MSL2: variants seen among roughly 807,000 people sequenced by gnomAD.
MSL2 encodes the protein E3 ubiquitin-protein ligase MSL2.
In MSL2, 2 loss-of-function variants were observed where a neutral mutation model predicts 35.8. That is an observed-to-expected ratio of 0.06 (90% CI 0.02 to 0.18). The LOEUF is 0.18. Ranked by LOEUF, MSL2 falls within the 10% of genes least tolerant of loss-of-function variation. The probability of loss-of-function intolerance (pLI) is 1.00; values close to 1 mark genes in which losing one functional copy is unlikely to be tolerated. For synonymous variants in MSL2, 296 were observed against 255.7 expected (o/e 1.16, Z -1.50); for missense variants, 523 against 706.7 (o/e 0.74, Z 2.95).
chr3:136,195,052 T>G lies in MSL2; in HGVS notation c.62A>C (p.Asp21Ala), dbSNP rs990667550. The G allele has an allele frequency of 6.2e-7, 1 of 1,613,732 alleles. No homozygotes were observed. The highest frequency in any genetic ancestry group is 8.5e-7 in the Non-Finnish European group (1 of 1,179,940). The change falls in exon 1 of 2, where the codon GAC becomes GCC. Residue 21 changes from aspartate to alanine, a missense_variant. By Grantham distance (126) the Asp-to-Ala change is moderately radical (BLOSUM62 -2). Around this residue, in one of 5 missense-constraint regions of MSL2, gnomAD observed 45 missense variants for 47.5 expected, o/e 0.95. Coordinates refer to ENST00000309993, the MANE Select transcript of MSL2 (RefSeq NM_018133.4). Reference sequence around the variant, plus strand: ...AGTAAACGCCTTGGGGTCTCCGGGGTCGTAGTTGAGCACTAGGCGGCTCGC... The same window carrying G: ...AGTAAACGCCTTGGGGTCTCCGGGGGCGTAGTTGAGCACTAGGCGGCTCGC... ...ISASRLVLNY[D>A]PGDPKAFTEI...
Position 136,193,327 on chromosome 3 carries a change from CT to C in MSL2, c.142+1644del, listed in dbSNP as rs566980151. Among the ~76,000 whole-genome samples the C allele has an allele frequency of 9.2e-5, 14 of 152,204 alleles. No individual in the cohort carries two copies. The South Asian group carries it at 2.9e-3, about 32-fold the overall frequency. On this transcript the variant is annotated intron_variant, in intron 1 of 1. Transcript: ENST00000309993. ...CACAACTCAAAACTACCATTTCCCA[CT>C]TAAATTAGAGAGCTAAGTTTCACCC... is the stretch of plus-strand genomic sequence containing the variant.
At chr3:136,164,817 C>T (rs1393282348) in intron 1 of MSL2, among the ~76,000 whole-genome samples, 2 of 152,004 alleles carry the variant, frequency 1.3e-5, no homozygotes, top group Non-Finnish European at 2.9e-5. Flanking sequence ...TAGCATAGAT[C>T]GTGTTCCATA....
At chr3:136,179,742 A>G (rs545323541) in intron 1 of MSL2, among the ~76,000 whole-genome samples, 1 of 152,366 alleles carries the variant, frequency 6.6e-6, no homozygotes, top group African/African-American at 2.4e-5. Flanking sequence ...ATTAAGTTTT[A>G]AAATGCATTT....
At chr3:136,182,402 A>G (rs529438896) in intron 1 of MSL2, among the ~76,000 whole-genome samples, 2 of 152,372 alleles carry the variant, frequency 1.3e-5, no homozygotes, top group Admixed American at 6.5e-5. Flanking sequence ...ATAGAACAAT[A>G]GGTTTTCAAA....
At position 136,151,603 on chromosome 3, in the gene MSL2, A is replaced by G. The variant is rs1323572262; in HGVS notation, c.1278T>C (p.Gly426=). ...TTACTGCTTTGTCTTTTTTAAGAAT[A>G]CCTGGCTTGGTTTTAGAGTGAGATT... ...SKKSHSKTKP[G]ILKKDKAVKE... is the part of the protein sequence containing the mutation. The change falls in exon 2 of 2, where the codon GGT becomes GGC. Residue 426 remains glycine (G), a synonymous_variant. Transcript: ENST00000309993. The surrounding 1 kb of genome is among the most constrained non-coding windows in gnomAD (Gnocchi z 5.2). The G allele has an allele frequency of 1.2e-6, 2 of 1,614,116 alleles. No homozygotes were observed. Among genetic ancestry groups the G allele is most frequent in the South Asian group, 2.2e-5 (2 of 91,072 alleles).
At position 136,195,805 on chromosome 3, in the gene MSL2, C is replaced by T. The variant is rs1189117432; in HGVS notation, c.-692G>A. ...CAGTTCCCCGAGGTGGCGAGGCGGG[C>T]GGGAGTCCTCAACCCGGAGGGGAAG... On this transcript the variant is annotated 5_prime_UTR_variant, in exon 1 of 2. Transcript: ENST00000309993. 2.7e-5 allele frequency: 27 copies of T among 984,754 alleles called. No individual in the cohort carries two copies. The highest frequency in any genetic ancestry group is 5.3e-5 in the African/African-American group (3 of 57,058). 61.0% of individuals were successfully genotyped at this position (984,754 alleles called of 1,614,324 possible).
chr3:136,170,211 G>C (rs1334404185), intron 1 of MSL2, among the ~76,000 whole-genome samples: 1 of 149,816 alleles, frequency 6.7e-6, no homozygotes, highest in East Asian at 2.0e-4. Context: ...AAATTAGCTG[G>C]GCGTGGTGGT....
intron 1 of MSL2, among the ~76,000 whole-genome samples, chr3:136,157,187 A>G (rs1016613625): frequency 9.3e-5 from 14 of 150,460 alleles, no homozygotes; most frequent in African/African-American, 3.2e-4. Context: ...TCACTTTGGG[A>G]GGCCAAGGTG....
chr3:136,169,289 TGTGCATATGTATGGGGGTACAC>T (rs1486729342), intron 1 of MSL2, among the ~76,000 whole-genome samples: 6 of 146,234 alleles, frequency 4.1e-5, no homozygotes, highest in Admixed American at 1.4e-4. Context: ...ACATAATTTT[TGTGCATATGTATGGGGGTACAC>T]GTGATATTCT....
chr3:136,189,528 T>A (rs1165409683), intron 1 of MSL2, among the ~76,000 whole-genome samples: 1 of 149,198 alleles, frequency 6.7e-6, no homozygotes, highest in Non-Finnish European at 1.5e-5. Context: ...ATCGAGACCA[T>A]CCTGGCTAAC....
intron 1 of MSL2, among the ~76,000 whole-genome samples, chr3:136,179,406 C>T (rs1419588694): frequency 4.6e-5 from 7 of 152,150 alleles, no homozygotes; most frequent in African/African-American, 1.7e-4. Flanking sequence ...TGGTCTTGAA[C>T]TCCTGGGCTC....
At chr3:136,183,522 A>G (rs995586808) in intron 1 of MSL2, among the ~76,000 whole-genome samples, 2 of 152,178 alleles carry the variant, frequency 1.3e-5, no homozygotes, top group African/African-American at 4.8e-5. Flanking sequence ...CCTGGGCTCA[A>G]GCAATCCTCC....
At chr3:136,188,059 T>C (rs1432961262) in intron 1 of MSL2, among the ~76,000 whole-genome samples, 3 of 152,212 alleles carry the variant, frequency 2.0e-5, no homozygotes, top group Non-Finnish European at 4.4e-5. Flanking sequence ...AGGGCTCTCC[T>C]ACAAGAGCTC....
chr3:136,162,105 ATTT>A (rs1200141858), intron 1 of MSL2, among the ~76,000 whole-genome samples: 1 of 151,594 alleles, frequency 6.6e-6, no homozygotes, highest in African/African-American at 2.4e-5. Context: ...CGCCTGGTTA[ATTT>A]TTTATTTTTA....
chr3:136,169,956 G>A lies in MSL2; in HGVS notation c.143-17218C>T, dbSNP rs1421228386. On this transcript the variant is annotated intron_variant, in intron 1 of 1. Transcript: ENST00000309993. ...CTGTAATCCCAGTTACTCGGGCTGA[G>A]GCACAAATCATTTGAGCCCAGGAGG... 2.0e-5 allele frequency among the ~76,000 whole-genome samples: 3 copies of A among 151,576 alleles called. No individual in the cohort carries two copies. The South Asian group carries it at 6.2e-4, about 32-fold the overall frequency.
chr3:136,166,831 C>A (rs1035321022), intron 1 of MSL2, among the ~76,000 whole-genome samples: 3 of 152,118 alleles, frequency 2.0e-5, no homozygotes, highest in Admixed American at 6.5e-5. Context: ...CATAGTTGAT[C>A]CCAGTTTTCA....
At chr3:136,189,509 G>A (rs1018224747) in intron 1 of MSL2, among the ~76,000 whole-genome samples, 1 of 149,260 alleles carries the variant, frequency 6.7e-6, no homozygotes, top group African/African-American at 2.5e-5. Context: ...CGGATCACGA[G>A]GTCAGGAGAT....
intron 1 of MSL2, 98 bp from the exon 2 acceptor site, chr3:136,152,836 G>T: frequency 6.7e-7 from 1 of 1,490,348 alleles, no homozygotes. Flanking sequence ...TCAAAATTGA[G>T]ATGAATTAAA....
intron 1 of MSL2, among the ~76,000 whole-genome samples, chr3:136,172,493 T>C (rs1940056450): frequency 1.3e-5 from 2 of 152,194 alleles, no homozygotes; most frequent in Non-Finnish European, 2.9e-5. Flanking sequence ...CACCAGAATG[T>C]GTCTTCTAAT....
Sources: allele counts gnomAD v4.1 joint callset (sites outside exome capture counted in the v4.1 genomes callset), GRCh38; gene constraint gnomAD v4.1.1; regional missense constraint gnomAD v4.1.1; non-coding constraint Gnocchi (gnomAD v3.1); transcripts MANE v1.5; gene names NCBI Gene and HGNC (gene_info 2026-07-23, HGNC 2026-07-21).